The following PCDH9 variants were observed in gnomAD, a reference collection of about 807,000 sequenced individuals.
PCDH9 encodes the protein protocadherin-9.
Under a neutral mutation model 70.6 loss-of-function variants are expected in PCDH9, and 24 were observed. The ratio of observed to expected loss-of-function variants is 0.34; its 90% CI spans 0.25 to 0.48. The LOEUF (loss-of-function observed/expected upper bound fraction) is 0.48, where lower values mean the gene tolerates loss of function less well. Ranked by LOEUF, PCDH9 falls within the 20% of genes least tolerant of loss-of-function variation. PCDH9 has a pLI of 0.99. For synonymous variants in PCDH9, 562 were observed against 558.5 expected (o/e 1.01, Z -0.09); for missense variants, 1,281 against 1,503.6 (o/e 0.85, Z 2.45).
At chr13:67,001,879 A>G (rs2084252457) in intron 2 of PCDH9, 1 of 152,238 alleles carries the variant, frequency 6.6e-6, no homozygotes, top group Non-Finnish European at 1.5e-5. Flanking sequence ...ACTTGTAAGA[A>G]TTTAGTCATG....
chr13:66,617,227 G>A (rs1380378421), intron 4 of PCDH9, among the ~76,000 whole-genome samples: 4 of 152,054 alleles, frequency 2.6e-5, no homozygotes, highest in Non-Finnish European at 4.4e-5. Flanking sequence ...TGCCAAGGTC[G>A]TCAGAACTTG....
At chr13:66,730,876 G>GTGTGTTTTTTTTTT (rs1555262846) in intron 3 of PCDH9, among the ~76,000 whole-genome samples, 1 of 46,358 alleles carries the variant, frequency 2.2e-5, no homozygotes, top group African/African-American at 7.5e-5. Flanking sequence ...GTGTGTGTGT[G>GTGTGTTTTTTTTTT]TTTTTTTTTT....
At chr13:66,958,299 A>C (rs992283417) in intron 2 of PCDH9, among the ~76,000 whole-genome samples, 43 of 152,228 alleles carry the variant, frequency 2.8e-4, no homozygotes, top group Non-Finnish European at 8.8e-5. Context: ...CTGGATGAAA[A>C]ACACGGAATT....
intron 4 of PCDH9, among the ~76,000 whole-genome samples, chr13:66,588,000 G>A (rs2076985922): frequency 6.6e-6 from 1 of 152,008 alleles, no homozygotes; most frequent in Non-Finnish European, 1.5e-5. Flanking sequence ...CCCTCTTGCA[G>A]CTATCTTGTT....
At chr13:66,749,881 T>C (rs1201944251) in intron 3 of PCDH9, among the ~76,000 whole-genome samples, 1 of 152,182 alleles carries the variant, frequency 6.6e-6, no homozygotes, top group African/African-American at 2.4e-5. Flanking sequence ...GATTATACTT[T>C]AAATATTCCA....
intron 4 of PCDH9, among the ~76,000 whole-genome samples, chr13:66,584,443 G>T (rs2076935727): frequency 6.6e-6 from 1 of 152,032 alleles, no homozygotes; most frequent in African/African-American, 2.4e-5. Context: ...ATTTTATTTT[G>T]CTTACAAGTT....
chr13:66,515,641 C>T (rs1959696046), intron 4 of PCDH9, among the ~76,000 whole-genome samples: 1 of 151,688 alleles, frequency 6.6e-6, no homozygotes, highest in African/African-American at 2.4e-5. Flanking sequence ...GTAGTATGCA[C>T]ATAGATATTT....
intron 4 of PCDH9, among the ~76,000 whole-genome samples, chr13:66,472,967 T>A (rs1411488495): frequency 1.3e-5 from 2 of 151,648 alleles, no homozygotes; most frequent in Non-Finnish European, 2.9e-5. Flanking sequence ...TTTATTCCAT[T>A]TAAAAACTAA....
intron 4 of PCDH9, among the ~76,000 whole-genome samples, chr13:66,432,058 T>C (rs1957780684): frequency 1.3e-5 from 2 of 152,030 alleles, no homozygotes; most frequent in African/African-American, 2.4e-5. Flanking sequence ...AAGCCACAAG[T>C]TTTTCTTCTG....
intron 4 of PCDH9, among the ~76,000 whole-genome samples, chr13:66,365,038 C>T (rs961151791): frequency 3.3e-5 from 5 of 152,126 alleles, no homozygotes; most frequent in African/African-American, 1.2e-4. Flanking sequence ...TGATGACTGC[C>T]CTTTTAAGCA....
chr13:66,376,906 T>G (rs1956757779), intron 4 of PCDH9, among the ~76,000 whole-genome samples: 1 of 152,168 alleles, frequency 6.6e-6, no homozygotes. Flanking sequence ...TATTCAAAAA[T>G]GAAATAACCA....
At chr13:66,405,375 T>C (rs1192745788) in intron 4 of PCDH9, among the ~76,000 whole-genome samples, 2 of 152,204 alleles carry the variant, frequency 1.3e-5, no homozygotes, top group South Asian at 2.1e-4. Context: ...AAATGCATCT[T>C]CCTTTGCAGA....
rs1425269335 is a variant in PCDH9 at position 66,700,923 on chromosome 13, A to AACATAT, written c.3139-69513_3139-69512insATATGT. Among the ~76,000 whole-genome samples, 90 of 58,448 alleles carry AACATAT rather than the reference A, an allele frequency of 1.5e-3. 1 individual carries two copies. Among genetic ancestry groups the AACATAT allele is most frequent in the Middle Eastern group, 0.012 (1 of 82 alleles). 38.3% of individuals were successfully genotyped at this position (58,448 alleles called of 152,430 possible). On this transcript the variant is annotated intron_variant, in intron 3 of 4. Coordinates refer to ENST00000377865, the MANE Select transcript of PCDH9 (RefSeq NM_203487.3). ...ATGAAAATATATGTGTGTACATATA[A>AACATAT]ATATATATATATATATATATATATA... is the stretch of plus-strand genomic sequence containing the variant.
intron 4 of PCDH9, among the ~76,000 whole-genome samples, chr13:66,461,829 T>A (rs1439161945): frequency 1.3e-5 from 2 of 151,884 alleles, no homozygotes; most frequent in African/African-American, 2.4e-5. Flanking sequence ...CAAATAATTA[T>A]TTTTCTTTTG....
chr13:66,941,808 T>A (rs995729811), intron 2 of PCDH9, among the ~76,000 whole-genome samples: 3 of 151,848 alleles, frequency 2.0e-5, no homozygotes, highest in African/African-American at 4.8e-5. Context: ...TTTAGCAACA[T>A]AATCAACTAA....
chr13:66,455,742 A>G (rs376912551), intron 4 of PCDH9, among the ~76,000 whole-genome samples: 10 of 152,130 alleles, frequency 6.6e-5, no homozygotes, highest in African/African-American at 1.9e-4. Context: ...TTGTTTTACT[A>G]TAGAGTATCA....
intron 3 of PCDH9, among the ~76,000 whole-genome samples, chr13:66,797,812 T>C (rs1225398129): frequency 2.0e-5 from 3 of 152,148 alleles, no homozygotes; most frequent in African/African-American, 7.2e-5. Flanking sequence ...GTTGTAACTT[T>C]CAGCAGGGTC....
chr13:67,023,266 C>A (rs2084715168), intron 2 of PCDH9, among the ~76,000 whole-genome samples: 1 of 151,880 alleles, frequency 6.6e-6, no homozygotes, highest in African/African-American at 2.4e-5. Context: ...CAAATTAGTA[C>A]TCCAGTCCCC....
chr13:67,210,324 A>T (rs1190085596), intron 2 of PCDH9: 2 of 152,066 alleles, frequency 1.3e-5, no homozygotes, highest in Non-Finnish European at 2.9e-5. Flanking sequence ...GAGCAACCTC[A>T]AAAAAGATAG....
Sources: gnomAD v4.1 joint callset for allele counts (sites outside exome capture counted in the v4.1 genomes callset) on GRCh38, gnomAD v4.1.1 for gene constraint, MANE v1.5 for transcripts, NCBI Gene and HGNC (gene_info 2026-07-23, HGNC 2026-07-21) for gene names.